The following GRIP1 variants were observed in gnomAD, a reference collection of about 807,000 sequenced individuals.
GRIP1 encodes the protein glutamate receptor interacting protein 1, also known as glutamate receptor-interacting protein 1.
GRIP1 carries 45 observed loss-of-function variants against 129.9 expected under a neutral mutation model. The observed-to-expected ratio is 0.35, with a 90% CI of 0.27 to 0.44. The LOEUF is 0.44. GRIP1 is among the 20% of genes least tolerant of loss of function. The pLI, the probability that GRIP1 is intolerant of heterozygous loss-of-function variation, is 1.00. For missense variants in GRIP1, 1,196 were observed against 1,396.8 expected, an observed-to-expected ratio of 0.86 and a Z score of 2.29; for synonymous variants, 530 against 520.8, an observed-to-expected ratio of 1.02 and a Z score of -0.24.
chr12:66,386,194 G>T (rs1301647053), intron 19 of GRIP1, among the ~76,000 whole-genome samples: 6 of 152,158 alleles, frequency 3.9e-5, no homozygotes, highest in Admixed American at 3.9e-4. Flanking sequence ...CTATGCCTTA[G>T]ATATTTGTAA....
intron 24 of GRIP1, among the ~76,000 whole-genome samples, chr12:66,349,739 G>A (rs1193046442): frequency 2.0e-5 from 3 of 151,504 alleles, no homozygotes; most frequent in Non-Finnish European, 4.4e-5. Context: ...TGTGGCACTT[G>A]AGGAGAACAA....
rs545470740 is a variant in GRIP1, at chr12:67,062,033, C to T, written c.58+7017G>A. On this transcript the variant is annotated intron_variant, in intron 1 of 1. Coordinates refer to the GRIP1 transcript ENST00000643019. ...CAAGTCCATCTCCTGAGTAGCTGCACGGCCTGAAACAGAGCAGTAGCCTCC... is the reference window on the plus strand; with the variant it reads ...CAAGTCCATCTCCTGAGTAGCTGCATGGCCTGAAACAGAGCAGTAGCCTCC... Among the ~76,000 whole-genome samples, 221 of 152,242 alleles carry T rather than the reference C, an allele frequency of 1.5e-3. 1 individual carries two copies. In the South Asian group the frequency reaches 0.018, roughly 12 times the overall value.
chr12:66,734,332 G>A (rs1345570349), intron 1 of GRIP1, among the ~76,000 whole-genome samples: 1 of 152,154 alleles, frequency 6.6e-6, no homozygotes, highest in Non-Finnish European at 1.5e-5. Flanking sequence ...AAGAGAACCT[G>A]TACTGTGCTT....
chr12:66,421,279 C>T (rs12831340), intron 14 of GRIP1, among the ~76,000 whole-genome samples: 1 of 152,154 alleles, frequency 6.6e-6, no homozygotes, highest in Non-Finnish European at 1.5e-5. Context: ...CACAGTGGCT[C>T]ATGCCTGTAA....
intron 1 of GRIP1, among the ~76,000 whole-genome samples, chr12:66,994,535 G>A (rs61918821): frequency 0.3 from 44,726 of 151,392 alleles, 7,785 homozygotes; most frequent in Non-Finnish European, 0.38. Context: ...AACATCATAC[G>A]TGATGAAAGA....
chr12:67,004,267 G>C (rs1473008746), intron 1 of GRIP1, among the ~76,000 whole-genome samples: 1 of 152,148 alleles, frequency 6.6e-6, no homozygotes, highest in Admixed American at 6.5e-5. Flanking sequence ...TGGCTGAAAA[G>C]CACCAGCCGG....
chr12:66,427,525 C>T (rs1257063129), intron 14 of GRIP1, among the ~76,000 whole-genome samples: 2 of 152,112 alleles, frequency 1.3e-5, no homozygotes, highest in African/African-American at 4.8e-5. Context: ...AGAACTTAAA[C>T]AATAGTTTCC....
intron 1 of GRIP1, among the ~76,000 whole-genome samples, chr12:66,753,037 G>A (rs749202789): frequency 1.3e-5 from 2 of 152,110 alleles, no homozygotes; most frequent in Admixed American, 6.6e-5. Flanking sequence ...AACTAACTTT[G>A]TAGTGGTATT....
At chr12:67,069,133 G>C (rs2043690633) in exon 1 of GRIP1, 2 of 984,854 alleles carry the variant, frequency 2.0e-6, no homozygotes, top group Non-Finnish European at 1.2e-6. Context: ...GCTCGCTGTC[G>C]GGCTCGCTCT....
At chr12:66,952,349 G>C (rs2041771445) in intron 1 of GRIP1, among the ~76,000 whole-genome samples, 1 of 152,116 alleles carries the variant, frequency 6.6e-6, no homozygotes, top group Non-Finnish European at 1.5e-5. Flanking sequence ...CTTATATTTT[G>C]AGGTTATCAG....
chr12:66,815,759 G>A (rs573702072), intron 1 of GRIP1, among the ~76,000 whole-genome samples: 12 of 146,542 alleles, frequency 8.2e-5, no homozygotes, highest in East Asian at 3.9e-4. Context: ...ATAAGACCCC[G>A]ACTCAAACCA....
At chr12:66,576,864 C>A (rs1295699117) in intron 2 of GRIP1, among the ~76,000 whole-genome samples, 1 of 152,184 alleles carries the variant, frequency 6.6e-6, no homozygotes, top group Non-Finnish European at 1.5e-5. Flanking sequence ...AAGAGTGATT[C>A]ATAAGAATAA....
chr12:66,788,234 A>T (rs1286014749), intron 1 of GRIP1, among the ~76,000 whole-genome samples: 1 of 151,844 alleles, frequency 6.6e-6, no homozygotes, highest in African/African-American at 2.4e-5. Flanking sequence ...CACAAAAATA[A>T]AATACTTTTT....
intron 1 of GRIP1, among the ~76,000 whole-genome samples, chr12:66,701,715 C>G (rs2035360011): frequency 6.6e-6 from 1 of 152,188 alleles, no homozygotes; most frequent in Admixed American, 6.5e-5. Flanking sequence ...ACAGCAATGG[C>G]TCTTACATAC....
intron 1 of GRIP1, among the ~76,000 whole-genome samples, chr12:67,047,652 T>A (rs1230309032): frequency 6.6e-6 from 1 of 152,236 alleles, no homozygotes; most frequent in Non-Finnish European, 1.5e-5. Flanking sequence ...AATTGATTAC[T>A]GATTGCCATT....
chr12:66,811,333 A>ATTGTATCGG (rs2039098856), intron 1 of GRIP1, among the ~76,000 whole-genome samples: 1 of 152,194 alleles, frequency 6.6e-6, no homozygotes, highest in Non-Finnish European at 1.5e-5. Flanking sequence ...AAAAATGTTC[A>ATTGTATCGG]TTGTATCGGA....
intron 11 of GRIP1, among the ~76,000 whole-genome samples, chr12:66,452,665 A>C (rs1392280302): frequency 6.6e-6 from 1 of 152,210 alleles, no homozygotes; most frequent in African/African-American, 2.4e-5. Flanking sequence ...TGGTTGCTAT[A>C]GAAACATATG....
At chr12:66,358,583 G>A (rs1243534250) in intron 23 of GRIP1, among the ~76,000 whole-genome samples, 2 of 152,102 alleles carry the variant, frequency 1.3e-5, no homozygotes, top group Non-Finnish European at 2.9e-5. Flanking sequence ...AAATAGCTGG[G>A]ATTACAGGCG....
At chr12:66,407,220 C>G (rs2057223843) in intron 15 of GRIP1, among the ~76,000 whole-genome samples, 2 of 151,512 alleles carry the variant, frequency 1.3e-5, no homozygotes, top group African/African-American at 4.9e-5. Flanking sequence ...GCCCCAGACT[C>G]TCTGGGGACC....
Sources: gnomAD v4.1 joint callset for allele counts (sites outside exome capture counted in the v4.1 genomes callset) on GRCh38, gnomAD v4.1.1 for gene constraint, MANE v1.5 for transcripts, NCBI Gene and HGNC (gene_info 2026-07-23, HGNC 2026-07-21) for gene names.